The following SPX variants were observed in gnomAD, a reference collection of about 807,000 sequenced individuals.
The protein encoded by SPX is spexin.
In SPX, 22 loss-of-function variants were observed where a neutral mutation model predicts 19.2. The ratio of observed to expected loss-of-function variants is 1.15; its 90% confidence interval spans 0.82 to 1.64. The LOEUF (loss-of-function observed/expected upper bound fraction) is 1.64. Ranked by LOEUF, SPX falls within the 40% of genes most tolerant of loss-of-function variation. SPX has a pLI of 0.00. For missense variants in SPX, 143 were observed against 137.7 expected (o/e 1.04, Z -0.19); for synonymous variants, 50 against 53.3 (o/e 0.94, Z 0.27).
rs761986956 is a variant in SPX at position 21,529,007 on chromosome 12, G to A, written c.215G>A (p.Arg72Gln). The change falls in exon 5 of 6, where the codon CGA becomes CAA. Residue 72 changes from arginine (R) to glutamine (Q), a missense_variant. Arg to Gln is a conservative substitution (Grantham distance 43, BLOSUM62 1). Coordinates refer to ENST00000256969, the MANE Select transcript of SPX (RefSeq NM_030572.4). Reference protein sequence around the residue: ...DLSDRPLPERRSPNPQLLTIP... With the variant: ...DLSDRPLPERQSPNPQLLTIP... The stretch of plus-strand genomic sequence containing the variant: ...TACATTTTTGTTTCTGCAGAAAGAC[G>A]AAGCCCAAATCCCCAACTACTAACT... 5.0e-6 allele frequency: 8 copies of A among 1,613,810 alleles called. No individual in the cohort carries two copies. The highest frequency in any genetic ancestry group is 2.7e-5 in the African/African-American group (2 of 74,890).
chr12:21,528,137 G>A, intron 4 of SPX: 1 of 257,782 alleles, frequency 3.9e-6, no homozygotes, highest in Non-Finnish European at 7.5e-6. Flanking sequence ...AGGACCTGAG[G>A]TGCAGCTCAG....
chr12:21,529,205 A>AT, intron 5 of SPX, 121 bp downstream of exon 5: 1 of 853,660 alleles, frequency 1.2e-6, no homozygotes, highest in Non-Finnish European at 1.9e-6. Context: ...AGAAATTCTA[A>AT]TTCTGTACTG....
intron 5 of SPX, 79 bp downstream of exon 5, chr12:21,529,163 C>G (rs1291791556): frequency 1.5e-6 from 2 of 1,367,358 alleles, no homozygotes; most frequent in African/African-American, 2.9e-5. Context: ...GAGTGCAACA[C>G]CCCTCCCCCA....
chr12:21,526,868 G>A lies in SPX; in HGVS notation c.7-18G>A. On this transcript the variant is annotated intron_variant, in intron 1 of 5. Transcript: ENST00000256969. Reference sequence around the variant, plus strand: ...ATTGGCACAGAAATGACCCTTTCTGGTTGATCGCTTCATATAGGGACTCAG... The same window carrying A: ...ATTGGCACAGAAATGACCCTTTCTGATTGATCGCTTCATATAGGGACTCAG... 6.2e-7 allele frequency: 1 copy of A among 1,612,206 alleles called. No homozygotes were observed.
chr12:21,530,308 GGTTTTGTTTT>G (rs1024385638), intron 5 of SPX, among the ~76,000 whole-genome samples: 2 of 150,868 alleles, frequency 1.3e-5, no homozygotes, highest in African/African-American at 4.9e-5. Flanking sequence ...ACGCCGTTCT[GGTTTTGTTTT>G]GTTTTGTTTT....
At position 21,532,652 on chromosome 12, in the gene SPX, C is replaced by T. The variant is rs543504544; in HGVS notation, c.*1457C>T. 12 of 152,270 alleles carry T rather than the reference C, an allele frequency of 7.9e-5. No individual in the cohort carries two copies. The highest frequency in any genetic ancestry group is 2.9e-4 in the African/African-American group (12 of 41,546). The allele number at this position is 152,270 out of a possible 1,614,324, so 9.4% of individuals were successfully genotyped here. A position where few individuals can be genotyped will look rare whatever the true frequency, so the allele number is the denominator to read the frequency against. On this transcript the variant is annotated 3_prime_UTR_variant, in exon 6 of 6. Transcript: ENST00000256969. Reference sequence around the variant, plus strand: ...TATTTATACAGTCCTAACCACTTCACCATTAGGAGGGGTGGGACATTAAAA... The same window carrying T: ...TATTTATACAGTCCTAACCACTTCATCATTAGGAGGGGTGGGACATTAAAA...
At chr12:21,527,367 T>A (rs1448668555) in intron 3 of SPX, 175 bp downstream of exon 3, 1 of 645,024 alleles carries the variant, frequency 1.6e-6, no homozygotes, top group East Asian at 2.7e-5. Flanking sequence ...GAGTCCCTGA[T>A]TATTGGAAAT....
At chr12:21,527,586 G>C (rs1480006277) in intron 3 of SPX, 141 bp from the exon 4 acceptor site, 3 of 815,002 alleles carry the variant, frequency 3.7e-6, no homozygotes, top group Non-Finnish European at 5.8e-6. Context: ...CTGGAAACTC[G>C]GCAGCCCCGC....
chr12:21,527,914 C>T (rs951021149), intron 4 of SPX, 125 bp downstream of exon 4: 8 of 1,136,314 alleles, frequency 7.0e-6, no homozygotes, highest in Admixed American at 4.6e-5. Flanking sequence ...GGCTCTGAGG[C>T]GCCCTCAGAT....
At chr12:21,529,374 A>G (rs1943843166) in intron 5 of SPX, among the ~76,000 whole-genome samples, 2 of 152,092 alleles carry the variant, frequency 1.3e-5, no homozygotes, top group South Asian at 4.1e-4. Flanking sequence ...GGGAAAAGGG[A>G]AGACAATAAA....
intron 4 of SPX, chr12:21,528,274 C>T (rs979347192): frequency 6.5e-6 from 1 of 153,064 alleles, no homozygotes; most frequent in African/African-American, 2.4e-5. Context: ...TACCTAGGAA[C>T]TTCAAATGTA....
chr12:21,527,326 C>T, intron 3 of SPX, 134 bp downstream of exon 3: 2 of 804,484 alleles, frequency 2.5e-6, no homozygotes, highest in Non-Finnish European at 4.1e-6. Flanking sequence ...TCAAAGAGAC[C>T]GGTAGGTGAG....
chr12:21,527,568 T>G (rs2136820357), intron 3 of SPX, 159 bp from the exon 4 acceptor site: 1 of 724,838 alleles, frequency 1.4e-6, no homozygotes, highest in South Asian at 1.9e-5. Context: ...GGGGTTGCGC[T>G]GGGAGCGCTG....
In SPX at chr12:21,531,210, A is replaced by G; in HGVS notation, c.*15A>G. 3.2e-6 allele frequency: 5 copies of G among 1,549,516 alleles called. No individual in the cohort carries two copies. Among genetic ancestry groups the G allele is most frequent in the Non-Finnish European group, 4.4e-6 (5 of 1,132,000 alleles). On this transcript the variant is annotated 3_prime_UTR_variant, in exon 6 of 6. Coordinates refer to ENST00000256969, the MANE Select transcript of SPX (RefSeq NM_030572.4). ...TTAACTGGTGAAAATATACTGGATT[A>G]TGTTTAATTATGGTTCTATTCTCTT...
At position 21,526,904 on chromosome 12, in the gene SPX, G is replaced by T; in HGVS notation, c.25G>T (p.Ala9Ser). 1 of 1,614,192 alleles carries T rather than the reference G, an allele frequency of 6.2e-7. No homozygotes were observed. The highest frequency in any genetic ancestry group is 1.1e-5 in the South Asian group (1 of 91,080). The change falls in exon 2 of 6, where the codon GCA (alanine) becomes TCA (serine). Residue 9 changes from alanine (A) to serine (S), a missense_variant. By Grantham distance (99) the Ala-to-Ser change is moderately conservative. Coordinates refer to ENST00000256969, the MANE Select transcript of SPX (RefSeq NM_030572.4). ...CATATAGGGACTCAGAAGTCTGGCA[G>T]CAACAACCTTGGCTCTTTTCCTGGT... MKGLRSLA[A>S]TTLALFLVFV...
chr12:21,528,545 T>A (rs779154566), intron 4 of SPX, among the ~76,000 whole-genome samples: 1 of 152,258 alleles, frequency 6.6e-6, no homozygotes, highest in Non-Finnish European at 1.5e-5. Context: ...TCAAACATGC[T>A]GTGTAATTGA....
chr12:21,527,282 A>ATGTCGAG, intron 3 of SPX, 90 bp downstream of exon 3: 2 of 1,309,356 alleles, frequency 1.5e-6, no homozygotes, highest in Non-Finnish European at 2.2e-6. Context: ...AGAGAGAATA[A>ATGTCGAG]TGTCGAGTTT....
At chr12:21,526,738 G>A in intron 1 of SPX, 148 bp from the exon 2 acceptor site, 1 of 804,646 alleles carries the variant, frequency 1.2e-6, no homozygotes, top group Non-Finnish European at 2.0e-6. Context: ...TAACTAGAAG[G>A]TAGAAGGGAA....
intron 5 of SPX, among the ~76,000 whole-genome samples, chr12:21,529,346 C>G (rs1943842936): frequency 1.3e-5 from 2 of 152,012 alleles, no homozygotes; most frequent in African/African-American, 2.4e-5. Flanking sequence ...GAGATACCTT[C>G]TAGGGCTTAG....
Sources: gnomAD v4.1 joint callset for allele counts (sites outside exome capture counted in the v4.1 genomes callset) on GRCh38, gnomAD v4.1.1 for gene constraint, MANE v1.5 for transcripts, NCBI Gene and HGNC (gene_info 2026-07-23, HGNC 2026-07-21) for gene names.